The following IGF2BP3 variants were observed in gnomAD, a reference collection of about 807,000 sequenced individuals.
IGF2BP3 encodes insulin-like growth factor 2 mRNA-binding protein 3.
In IGF2BP3, 9 loss-of-function variants were observed where a neutral mutation model predicts 73.8. The ratio of observed to expected loss-of-function variants is 0.12; its 90% CI spans 0.07 to 0.21. IGF2BP3 has a LOEUF of 0.21. IGF2BP3 is among the 10% of genes least tolerant of loss of function. IGF2BP3 has a pLI of 1.00. For synonymous variants in IGF2BP3, 258 were observed against 256.7 expected, an observed-to-expected ratio of 1.01 and a Z score of -0.05; for missense variants, 542 against 714.0, an observed-to-expected ratio of 0.76 and a Z score of 2.75.
chr7:23,337,779 C>T (rs1415846387), intron 10 of IGF2BP3, among the ~76,000 whole-genome samples: 4 of 152,344 alleles, frequency 2.6e-5, no homozygotes, highest in East Asian at 1.9e-4. Context: ...AAGCAATCCT[C>T]CCACCTCCGC....
chr7:23,422,161 C>T (rs1787368013), intron 2 of IGF2BP3, among the ~76,000 whole-genome samples: 1 of 152,094 alleles, frequency 6.6e-6, no homozygotes, highest in Non-Finnish European at 1.5e-5. Flanking sequence ...CTACACTGGC[C>T]TCATTTTGGA....
chr7:23,349,138 A>G (rs1274525947), intron 6 of IGF2BP3, among the ~76,000 whole-genome samples: 1 of 152,226 alleles, frequency 6.6e-6, no homozygotes, highest in Non-Finnish European at 1.5e-5. Flanking sequence ...CCATTTTTTA[A>G]TAAGTACAAG....
At chr7:23,364,787 G>A (rs1396888694) in intron 3 of IGF2BP3, among the ~76,000 whole-genome samples, 1 of 151,948 alleles carries the variant, frequency 6.6e-6, no homozygotes, top group Admixed American at 6.6e-5. Context: ...TAATAATAGA[G>A]CTTTACAGCA....
intron 3 of IGF2BP3, chr7:23,402,110 C>G (rs540409241): frequency 6.6e-6 from 1 of 152,154 alleles, no homozygotes; most frequent in East Asian, 1.9e-4. Context: ...GAACAAGACT[C>G]TGTCTCAAAA....
At chr7:23,468,076 C>T (rs1458956502) in intron 2 of IGF2BP3, 1 of 233,564 alleles carries the variant, frequency 4.3e-6, no homozygotes, top group African/African-American at 2.3e-5. Context: ...AAGGAGGGAC[C>T]CCCGCGTGTC....
chr7:23,424,817 T>C (rs980690293), intron 2 of IGF2BP3, among the ~76,000 whole-genome samples: 4 of 152,350 alleles, frequency 2.6e-5, no homozygotes, highest in Admixed American at 1.3e-4. Context: ...TCAAGATGTT[T>C]AGTAATCGAT....
intron 10 of IGF2BP3, among the ~76,000 whole-genome samples, chr7:23,331,280 A>C (rs1583894724): frequency 6.6e-6 from 1 of 152,320 alleles, no homozygotes; most frequent in East Asian, 1.9e-4. Context: ...TATTACATAA[A>C]TTCTTAGAAG....
chr7:23,439,939 T>C (rs961541729), intron 2 of IGF2BP3, among the ~76,000 whole-genome samples: 4 of 152,164 alleles, frequency 2.6e-5, no homozygotes, highest in African/African-American at 7.2e-5. Flanking sequence ...GGCCCTTTCC[T>C]CTCTGCCAAA....
At chr7:23,357,276 CTT>C (rs201996068) in intron 5 of IGF2BP3, among the ~76,000 whole-genome samples, 25 of 143,674 alleles carry the variant, frequency 1.7e-4, no homozygotes, top group Non-Finnish European at 2.3e-4. Flanking sequence ...TAGTTTCTTT[CTT>C]TTTTTTTTTT....
intron 10 of IGF2BP3, among the ~76,000 whole-genome samples, chr7:23,327,397 C>G (rs927378363): frequency 2.0e-5 from 3 of 151,640 alleles, no homozygotes; most frequent in African/African-American, 7.3e-5. Context: ...TCTCCTGCCT[C>G]AGCCTCCCGA....
chr7:23,352,011 A>G (rs1784975245), intron 5 of IGF2BP3, among the ~76,000 whole-genome samples: 1 of 152,232 alleles, frequency 6.6e-6, no homozygotes, highest in South Asian at 2.1e-4. Context: ...AGACATCAGA[A>G]ATATATACTT....
intron 12 of IGF2BP3, among the ~76,000 whole-genome samples, chr7:23,314,185 T>TTTA (rs2128491220): frequency 7.9e-6 from 1 of 126,698 alleles, no homozygotes; most frequent in African/African-American, 3.4e-5. Flanking sequence ...ACCTGACTTA[T>TTTA]TTTTTTTTTT....
intron 6 of IGF2BP3, 29 bp downstream of exon 6, chr7:23,351,276 A>G (rs753169153): frequency 2.1e-5 from 33 of 1,609,264 alleles, no homozygotes; most frequent in Non-Finnish European, 2.7e-5. Flanking sequence ...AATTCTCATG[A>G]ACACCCACCA....
At chr7:23,343,980 ACAT>A in intron 8 of IGF2BP3, 127 bp from the exon 9 acceptor site, 1 of 834,620 alleles carries the variant, frequency 1.2e-6, no homozygotes, top group Non-Finnish European at 1.8e-6. Context: ...GGGTGGTAAA[ACAT>A]GATGGGAAAT....
At chr7:23,462,504 G>C (rs1054548948) in intron 2 of IGF2BP3, among the ~76,000 whole-genome samples, 15 of 152,140 alleles carry the variant, frequency 9.9e-5, no homozygotes, top group African/African-American at 3.4e-4. Context: ...TGGGACTAAA[G>C]GCGACCGCCA....
intron 3 of IGF2BP3, among the ~76,000 whole-genome samples, chr7:23,397,928 C>T (rs953091597): frequency 1.3e-5 from 2 of 152,126 alleles, no homozygotes; most frequent in Non-Finnish European, 2.9e-5. Flanking sequence ...CTTATGTAAT[C>T]ATGGATCCTT....
chr7:23,417,201 T>C (rs1026806908), intron 3 of IGF2BP3, among the ~76,000 whole-genome samples: 2 of 152,228 alleles, frequency 1.3e-5, no homozygotes, highest in African/African-American at 4.8e-5. Flanking sequence ...AAATTGTTTT[T>C]GTTGATCAAT....
chr7:23,436,569 C>G (rs1787812531), intron 2 of IGF2BP3, among the ~76,000 whole-genome samples: 1 of 152,138 alleles, frequency 6.6e-6, no homozygotes, highest in East Asian at 1.9e-4. Context: ...AAATCAAACT[C>G]TGGGCTTGTT....
rs575113994 is a variant in IGF2BP3, at chr7:23,469,145, G to A, written c.176-603C>T. 2 of 154,848 alleles carry A rather than the reference G, an allele frequency of 1.3e-5. No individual in the cohort carries two copies. The highest frequency in any genetic ancestry group is 2.0e-4 in the South Asian group (1 of 5,004). 9.6% of individuals were successfully genotyped at this position (154,848 alleles called of 1,614,324 possible). On this transcript the variant is annotated intron_variant, in intron 1 of 14. Transcript: ENST00000258729. The surrounding 1 kb of genome is among the most constrained non-coding windows in gnomAD (Gnocchi z 6.1). ...GAATTGATTAAAAGGGAAGCCGAAA[G>A]GCACGGGGCTCCCATGGGGACCCCA...
Sources: gnomAD v4.1 joint callset for allele counts (sites outside exome capture counted in the v4.1 genomes callset) on GRCh38, gnomAD v4.1.1 for gene constraint, Gnocchi (gnomAD v3.1) non-coding constraint, MANE v1.5 for transcripts, NCBI Gene and HGNC (gene_info 2026-07-23, HGNC 2026-07-21) for gene names.